Variants in TTC21A observed in about 807,000 individuals in gnomAD.
TTC21A encodes the protein tetratricopeptide repeat protein 21A.
A neutral mutation model predicts 156.4 loss-of-function variants in TTC21A; 128 were observed. That is an observed-to-expected ratio of 0.82 (90% CI 0.71 to 0.95). The LOEUF is 0.95. Ranked by LOEUF, TTC21A falls within the 40% of genes least tolerant of loss-of-function variation. TTC21A has a pLI of 0.00. For missense variants in TTC21A, 1,435 were observed against 1,602.3 expected, an observed-to-expected ratio of 0.90 and a Z score of 1.78; for synonymous variants, 587 against 617.1, an observed-to-expected ratio of 0.95 and a Z score of 0.72.
rs75829033 is a variant in TTC21A at position 39,115,956 on chromosome 3, C to T, written c.716+1214C>T. ...TGGTAGCAAATCAAACTTATCTCTA[C>T]CCTGCCCAGCGCCACACATGTAATG... On this transcript the variant is annotated intron_variant, in intron 6 of 28. Coordinates refer to ENST00000683103, the MANE Select transcript of TTC21A (RefSeq NM_001366900.1). Among the ~76,000 whole-genome samples the T allele has an allele frequency of 4.9e-3, 747 of 152,366 alleles. 6 individuals carry two copies. Among genetic ancestry groups the T allele is most frequent in the African/African-American group, 0.016 (662 of 41,574 alleles).
rs374670553 is a variant in TTC21A at position 39,118,049 on chromosome 3, G to A, written c.717-20G>A. On this transcript the variant is annotated intron_variant, in intron 6 of 28. Coordinates refer to ENST00000683103, the MANE Select transcript of TTC21A (RefSeq NM_001366900.1). ...GCCTATCAATACTCTCAATTCATGT[G>A]CCTCCTCTTCTTCCTTCAGAATCCT... 2 of 1,577,086 alleles carry A rather than the reference G, an allele frequency of 1.3e-6. No homozygotes were observed. Among genetic ancestry groups the A allele is most frequent in the African/African-American group, 2.7e-5 (2 of 74,144 alleles).
intron 27 of TTC21A, 71 bp from the exon 28 acceptor site, chr3:39,138,484 GC>G (rs1182138313): frequency 6.2e-7 from 1 of 1,613,646 alleles, no homozygotes; most frequent in African/African-American, 1.3e-5. Flanking sequence ...CTGTACCCTG[GC>G]TGTTATGAGA....
rs772123894 is a variant in TTC21A, at chr3:39,129,153, G to A, written c.1978G>A (p.Val660Met). The change falls in exon 15 of 29, where the codon GTG (valine) becomes ATG (methionine). Residue 660 changes from valine (V) to methionine (M), a missense_variant. Val to Met is a conservative substitution (Grantham distance 21). Transcript: ENST00000683103. ...AGAGAACCGCATCACCATTGCCAAC[G>A]TGGACTTGGTCCTGAGCAAGGGCAA... is the stretch of plus-strand genomic sequence containing the variant. The part of the protein sequence containing the change: ...PEENRITIAN[V>M]DLVLSKGNVD... 28 of 1,614,118 alleles carry A rather than the reference G, an allele frequency of 1.7e-5. No homozygotes were observed. The East Asian group carries it at 3.6e-4, about 21-fold the overall frequency.
Position 39,138,623 on chromosome 3 carries a change from T to A in TTC21A, c.3864T>A (p.Asp1288Glu), listed in dbSNP as rs201601008. ...KFVEAIEICN[D>E]VLREHPDYPK... Reference sequence around the variant, plus strand: ...TGGAGGCCATTGAAATCTGCAACGATGTAAGCCAGCAGCCTTGGTGGGGAG... The same window carrying A: ...TGGAGGCCATTGAAATCTGCAACGAAGTAAGCCAGCAGCCTTGGTGGGGAG... Residue 1288 changes from aspartate to glutamate, a missense_variant and splice_region_variant, in exon 28 of 29, where the codon GAT becomes GAA. Coordinates refer to ENST00000683103, the MANE Select transcript of TTC21A (RefSeq NM_001366900.1). The A allele has an allele frequency of 4.3e-5, 69 of 1,614,086 alleles. No individual in the cohort carries two copies. The highest frequency in any genetic ancestry group is 3.3e-4 in the Middle Eastern group (2 of 6,084).
intron 5 of TTC21A, among the ~76,000 whole-genome samples, chr3:39,114,338 G>C (rs1396226479): frequency 1.3e-5 from 2 of 152,216 alleles, no homozygotes; most frequent in African/African-American, 4.8e-5. Context: ...TTCCAAGCTT[G>C]AGGCTTAGCT....
At chr3:39,129,761 C>T (rs1012520792) in intron 15 of TTC21A, among the ~76,000 whole-genome samples, 1 of 152,154 alleles carries the variant, frequency 6.6e-6, no homozygotes, top group Non-Finnish European at 1.5e-5. Context: ...AACCAGTGAA[C>T]AGTATGGAGG....
chr3:39,110,074 ACCCAGACGTGTC>A lies in TTC21A; in HGVS notation c.206_217del (p.Pro69_Ser72del). On this transcript the variant is annotated inframe_deletion, in exon 3 of 29. Transcript: ENST00000683103. ...AGTGACCTGGAAAGCATCAGGCATC[ACCCAGACGTGTC>A]CCTGTGCTCCACCATGGCCCTCATT... 6.2e-7 allele frequency: 1 copy of A among 1,614,170 alleles called. No individual in the cohort carries two copies. Among genetic ancestry groups the A allele is most frequent in the Non-Finnish European group, 8.5e-7 (1 of 1,180,026 alleles).
chr3:39,128,352 G>T lies in TTC21A; in HGVS notation c.1544G>T (p.Ser515Ile). 1 of 1,614,204 alleles carries T rather than the reference G, an allele frequency of 6.2e-7. No individual in the cohort carries two copies. The highest frequency in any genetic ancestry group is 8.5e-7 in the Non-Finnish European group (1 of 1,180,026). The change falls in exon 13 of 29, where the codon AGC becomes ATC. Residue 515 changes from serine (S) to isoleucine (I), a missense_variant. Ser to Ile is a moderately radical substitution (Grantham distance 142). Transcript: ENST00000683103. ...CTAGGAGAGCTAGAGAATGCCCAGA[G>T]CATCCTGCAGCGTTGCCTGGAGCTG... The part of the protein sequence containing the change: ...YYSGELENAQ[S>I]ILQRCLELDP...
rs1261274380 is a variant in TTC21A at position 39,124,989 on chromosome 3, A to G, written c.1094-74A>G. ...ACATCTTCCTTCCACTGTCTTATCC[A>G]TGCCCCTTGACCTGATGGGCTGCTG... On this transcript the variant is annotated intron_variant, in intron 9 of 28. Transcript: ENST00000683103. The G allele has an allele frequency of 5.3e-6, 5 of 950,166 alleles. No homozygotes were observed. The East Asian group carries it at 1.2e-4, about 23-fold the overall frequency. The allele number at this position is 950,166 out of a possible 1,614,324, so 58.9% of individuals were successfully genotyped here. A position where few individuals can be genotyped will look rare whatever the true frequency, so the allele number is the denominator to read the frequency against.
At chr3:39,125,638 G>T in intron 11 of TTC21A, 106 bp downstream of exon 11, 1 of 848,812 alleles carries the variant, frequency 1.2e-6, no homozygotes, top group East Asian at 2.4e-5. Context: ...CACAAGTAAG[G>T]ATGGGGTGAG....
At position 39,128,819 on chromosome 3, in the gene TTC21A, C is replaced by A; in HGVS notation, c.1783C>A (p.Pro595Thr). Residue 595 changes from proline (P) to threonine (T), a missense_variant, in exon 14 of 29, where the codon CCA becomes ACA. Pro to Thr is a conservative substitution (Grantham distance 38, BLOSUM62 -1). Coordinates refer to ENST00000683103, the MANE Select transcript of TTC21A (RefSeq NM_001366900.1). ...GACGCTGAAAATGGTCATCAAATTG[C>A]CAGCTCTGAAGAAGGAAGAAGGCAG... ...IKTLKMVIKL[P>T]ALKKEEGRKF... The A allele has an allele frequency of 6.2e-7, 1 of 1,614,182 alleles. No homozygotes were observed. Among genetic ancestry groups the A allele is most frequent in the African/African-American group, 1.3e-5 (1 of 75,044 alleles).
intron 1 of TTC21A, 27 bp downstream of exon 1, chr3:39,107,891 GC>G: frequency 6.2e-7 from 1 of 1,610,918 alleles, no homozygotes; most frequent in Admixed American, 1.7e-5. Flanking sequence ...CTGTCCGAGG[GC>G]TCCCTCGTGA....
chr3:39,128,183 CCT>C (rs1481840153), intron 12 of TTC21A, 146 bp from the exon 13 acceptor site: 1 of 898,348 alleles, frequency 1.1e-6, no homozygotes, highest in Non-Finnish European at 1.7e-6. Flanking sequence ...GAAATGGACC[CCT>C]GAGTGAAGCA....
At chr3:39,115,836 A>G (rs2037247721) in intron 6 of TTC21A, among the ~76,000 whole-genome samples, 3 of 147,902 alleles carry the variant, frequency 2.0e-5, no homozygotes, top group South Asian at 4.3e-4. Flanking sequence ...GCACAGGTCT[A>G]AAAAAAAAAG....
chr3:39,129,340 T>C (rs1330753965), intron 15 of TTC21A, 30 bp downstream of exon 15: 1 of 1,515,558 alleles, frequency 6.6e-7, no homozygotes, highest in African/African-American at 1.4e-5. Context: ...CAATGACAGC[T>C]TCTTCTCCAA....
At chr3:39,110,428 C>G in intron 3 of TTC21A, 1 of 542,784 alleles carries the variant, frequency 1.8e-6, no homozygotes, top group Non-Finnish European at 3.3e-6. Context: ...TTGCCAAGAT[C>G]TTGTCAGAAA....
At chr3:39,131,136 C>G (rs764712706) in intron 19 of TTC21A, 41 bp downstream of exon 19, 37 of 1,521,274 alleles carry the variant, frequency 2.4e-5, no homozygotes, top group Non-Finnish European at 3.3e-5. Context: ...CTGCCATCTG[C>G]TGATGGGGGC....
intron 23 of TTC21A, 121 bp downstream of exon 23, chr3:39,136,628 G>T: frequency 1.6e-6 from 2 of 1,263,950 alleles, no homozygotes; most frequent in Non-Finnish European, 2.2e-6. Context: ...CCCGGACCCA[G>T]CAAGTGAGGG....
intron 8 of TTC21A, 40 bp from the exon 9 acceptor site, chr3:39,120,956 AC>A (rs761591766): frequency 1.9e-6 from 3 of 1,552,408 alleles, no homozygotes. Flanking sequence ...TACAGGCTGG[AC>A]TGACTGGTTT....
Sources: gnomAD v4.1 joint callset for allele counts (sites outside exome capture counted in the v4.1 genomes callset) on GRCh38, gnomAD v4.1.1 for gene constraint, MANE v1.5 for transcripts, NCBI Gene and HGNC (gene_info 2026-07-23, HGNC 2026-07-21) for gene names.